Variants in TTN observed in about 807,000 individuals in gnomAD.
TTN encodes the protein titin.
In TTN, 1,525 loss-of-function variants were observed where a neutral mutation model predicts 3,223.0. That is an observed-to-expected ratio of 0.47 (90% CI 0.45 to 0.49). The LOEUF (loss-of-function observed/expected upper bound fraction) is 0.49, where lower values mean the gene tolerates loss of function less well. Ranked by LOEUF, TTN falls within the 20% of genes least tolerant of loss-of-function variation. TTN has a pLI of 0.00. For missense variants in TTN, 40,786 were observed against 43,424.0 expected (o/e 0.94, Z 5.40); for synonymous variants, 14,094 against 15,161.0 (o/e 0.93, Z 5.17).
At position 178,572,492 on chromosome 2, in the gene TTN, C is replaced by T. The variant is rs777119155; in HGVS notation, c.73640G>A (p.Gly24547Glu). 5.6e-6 allele frequency: 9 copies of T among 1,613,152 alleles called. No individual in the cohort carries two copies. The South Asian group carries it at 9.9e-5, about 18-fold the overall frequency. The change falls in exon 326 of 363, where the codon GGA (glycine) becomes GAA (glutamate). Residue 24547 changes from glycine (G) to glutamate (E), a missense_variant. Gly to Glu is a moderately conservative substitution (Grantham distance 98). Coordinates refer to ENST00000589042, the MANE Select transcript of TTN (RefSeq NM_001267550.2). ...TLTWDPPLLD[G>E]GSKIKNYIVE... ...AATATAGTTCTTGATTTTTGAACCT[C>T]CATCAAGGAGAGGTGGGTCCCATGT...
intron 13 of TTN, 42 bp downstream of exon 13, chr2:178,789,318 T>A: frequency 6.2e-7 from 1 of 1,610,656 alleles, no homozygotes; most frequent in East Asian, 2.2e-5. Context: ...GGTATTAATG[T>A]ATTATAATAG....
Position 178,776,961 on chromosome 2 carries a change from T to C in TTN, c.4903A>G (p.Lys1635Glu), listed in dbSNP as rs776274777. ...CATCTTGTAGTGTCTCTGCCAGCTT[T>C]ATTAATAGCAGTCGCAGTATACCAG... The part of the protein sequence containing the change: ...SAWYTATAIN[K>E]AGRDTTRCKV... The change falls in exon 28 of 363, where the codon AAA becomes GAA. Residue 1635 changes from lysine to glutamate, a missense_variant. Coordinates refer to ENST00000589042, the MANE Select transcript of TTN (RefSeq NM_001267550.2). 2 of 1,613,972 alleles carry C rather than the reference T, an allele frequency of 1.2e-6. No individual in the cohort carries two copies. Among genetic ancestry groups the C allele is most frequent in the Admixed American group, 3.3e-5 (2 of 59,992 alleles).
Position 178,635,221 on chromosome 2 carries a change from C to CTTT in TTN, c.41967_41968insAAA (p.Ser13989_Glu13990insLys). 1.2e-5 allele frequency: 20 copies of CTTT among 1,613,342 alleles called. No homozygotes were observed. The highest frequency in any genetic ancestry group is 1.6e-5 in the Non-Finnish European group (19 of 1,179,534). ...TTCCATTGTCCAGGAATGTCTGCCT[C>CTTT]TGAGATTTCTGCATCAAAGCTTGCA... On this transcript the variant is annotated inframe_insertion, in exon 228 of 363. Transcript: ENST00000589042.
rs754207859 is a variant in TTN at position 178,560,012 on chromosome 2, C to T, written c.86120G>A (p.Gly28707Glu). ...TAGTCCGCTTATTGTATATTCTGTC[C>T]CTCGTAAGCTCTGAATGGAAGTTTT... ...DWKTSIQSLR[G>E]TEYTISGLTT... is the part of the protein sequence containing the mutation. The change falls in exon 326 of 363, where the codon GGG (glycine) becomes GAG (glutamate). Residue 28707 changes from glycine (G) to glutamate (E), a missense_variant. Physicochemically the swap from Gly to Glu is moderately conservative, Grantham distance 98. Coordinates refer to ENST00000589042, the MANE Select transcript of TTN (RefSeq NM_001267550.2). The T allele has an allele frequency of 4.9e-5, 79 of 1,613,534 alleles. No individual in the cohort carries two copies. Among genetic ancestry groups the T allele is most frequent in the Non-Finnish European group, 6.6e-5 (78 of 1,179,800 alleles).
intron 47 of TTN, chr2:178,746,357 T>C (rs375951429): frequency 2.5e-5 from 41 of 1,612,226 alleles, no homozygotes; most frequent in Non-Finnish European, 3.2e-5. Flanking sequence ...TGGAAGAACA[T>C]CTAGACTCAC....
intron 3 of TTN, among the ~76,000 whole-genome samples, 193 bp downstream of exon 3, chr2:178,801,945 C>T (rs769647768): frequency 2.0e-5 from 3 of 152,144 alleles, no homozygotes; most frequent in Admixed American, 6.5e-5. Flanking sequence ...GTCACTTTTA[C>T]GATGTACTCT....
In TTN at chr2:178,646,176, G is replaced by A. The variant is rs369698692; in HGVS notation, c.40298-146C>T. On this transcript the variant is annotated intron_variant, in intron 216 of 362. Transcript: ENST00000589042. ...GTACAAAGTTTACTTTTTAAGGTACGTAATACCAGTATCCAACATAAAACA... is the reference window on the plus strand; with the variant it reads ...GTACAAAGTTTACTTTTTAAGGTACATAATACCAGTATCCAACATAAAACA... The A allele has an allele frequency of 7.5e-5, 13 of 173,160 alleles. No homozygotes were observed. In the East Asian group the frequency reaches 7.7e-4, roughly 10 times the overall value. 10.7% of individuals were successfully genotyped at this position (173,160 alleles called of 1,614,324 possible).
Position 178,650,689 on chromosome 2 carries a change from C to T in TTN, c.39709+62G>A, listed in dbSNP as rs911147362. On this transcript the variant is annotated intron_variant, in intron 209 of 362. Transcript: ENST00000589042. ...ATAATGAGTTAGGAAGGAAGAAGAA[C>T]AAAGCTTAAATTAGAAATAGTCGCA... The T allele has an allele frequency of 2.1e-6, 3 of 1,425,408 alleles. No individual in the cohort carries two copies. The African/African-American group carries it at 4.3e-5, about 21-fold the overall frequency. 88.3% of individuals were successfully genotyped at this position (1,425,408 alleles called of 1,614,324 possible). A position where few individuals can be genotyped will look rare whatever the true frequency, so the allele number is the denominator to read the frequency against.
intron 38 of TTN, 23 bp downstream of exon 38, chr2:178,768,650 A>G (rs1574539666): frequency 6.2e-7 from 1 of 1,613,792 alleles, no homozygotes; most frequent in Non-Finnish European, 8.5e-7. Flanking sequence ...TTTTCTATGG[A>G]TCTAATATGT....
chr2:178,670,439 C>G, intron 156 of TTN, 144 bp from the exon 157 acceptor site: 2 of 405,050 alleles, frequency 4.9e-6, no homozygotes, highest in Non-Finnish European at 8.7e-6. Flanking sequence ...TACAGTATTT[C>G]AAATGCATTG....
In TTN at chr2:178,552,495, A is replaced by G. The variant is rs371945826; in HGVS notation, c.90405T>C (p.Asp30135=). The change falls in exon 335 of 363, where the codon GAT becomes GAC. Residue 30135 remains aspartate, a synonymous_variant. Coordinates refer to ENST00000589042, the MANE Select transcript of TTN (RefSeq NM_001267550.2). ...LIITPEVDLS[D]IPGAQVTVRI... is the part of the protein sequence containing the mutation. ...TCACAGTGACTTGTGCCCCAGGGATATCTGACAGGTCAACTTCAGGTGTAA... is the reference window on the plus strand; with the variant it reads ...TCACAGTGACTTGTGCCCCAGGGATGTCTGACAGGTCAACTTCAGGTGTAA... 5.0e-6 allele frequency: 8 copies of G among 1,612,980 alleles called. No individual in the cohort carries two copies. In the African/African-American group the frequency reaches 1.1e-4, roughly 22 times the overall value.
chr2:178,751,640 C>T (rs2085537063), intron 47 of TTN: 2 of 1,613,270 alleles, frequency 1.2e-6, no homozygotes, highest in Non-Finnish European at 1.7e-6. Flanking sequence ...TTCTGCAGAC[C>T]CTTCACTATT....
chr2:178,559,111 C>T, intron 326 of TTN, 200 bp downstream of exon 326: 1 of 432,702 alleles, frequency 2.3e-6, no homozygotes, highest in East Asian at 3.9e-5. Context: ...CCAATTTTAG[C>T]TACGTAAATT....
Position 178,589,078 on chromosome 2 carries a change from C to T in TTN, c.62647G>A (p.Val20883Ile). 6.2e-7 allele frequency: 1 copy of T among 1,609,758 alleles called. No individual in the cohort carries two copies. Among genetic ancestry groups the T allele is most frequent in the Non-Finnish European group, 8.5e-7 (1 of 1,179,576 alleles). ...TCATCTTCTGGTGGATCCCAGCAAACAGTACACCTATCACTGGACACATCA... is the reference window on the plus strand; with the variant it reads ...TCATCTTCTGGTGGATCCCAGCAAATAGTACACCTATCACTGGACACATCA... ...IVDVSSDRCT[V>I]CWDPPEDDGG... The change falls in exon 304 of 363, where the codon GTT becomes ATT. Residue 20883 changes from valine to isoleucine, a missense_variant. Physicochemically the swap from Val to Ile is conservative, Grantham distance 29. Coordinates refer to ENST00000589042, the MANE Select transcript of TTN (RefSeq NM_001267550.2).
rs759435056 is a variant in TTN at position 178,651,565 on chromosome 2, C to T, written c.39464-29G>A. 2.5e-6 allele frequency: 4 copies of T among 1,611,222 alleles called. No individual in the cohort carries two copies. In the South Asian group the frequency reaches 4.4e-5, roughly 18 times the overall value. On this transcript the variant is annotated intron_variant, in intron 206 of 362. Transcript: ENST00000589042. ...TAAAAGATATTAGTAGTTGTTTAAG[C>T]TCATGGTTTCAATGAAATGTGAAAA...
chr2:178,807,038 G>A (rs1191320733), intron 1 of TTN, among the ~76,000 whole-genome samples, 174 bp downstream of exon 1: 1 of 152,132 alleles, frequency 6.6e-6, no homozygotes, highest in African/African-American at 2.4e-5. Flanking sequence ...AAGGAAAAAT[G>A]TTCAGACATT....
intron 41 of TTN, among the ~76,000 whole-genome samples, chr2:178,765,830 G>C (rs1394175831): frequency 6.6e-6 from 1 of 152,168 alleles, no homozygotes; most frequent in Non-Finnish European, 1.5e-5. Flanking sequence ...CTGCTCAGAG[G>C]CTCCTCAGGA....
intron 217 of TTN, chr2:178,645,579 A>C (rs2061809337): frequency 6.0e-6 from 1 of 165,442 alleles, no homozygotes; most frequent in South Asian, 2.0e-4. Context: ...TACATTCCTT[A>C]AGCATAAGAT....
In TTN at chr2:178,532,404, A is replaced by AGCCTTCGTTGGGATGTGATAG. The variant is rs1559011738; in HGVS notation, c.104190_104210dup (p.Tyr34731_Ala34737dup). 1 of 1,613,976 alleles carries AGCCTTCGTTGGGATGTGATAG rather than the reference A, an allele frequency of 6.2e-7. No individual in the cohort carries two copies. The highest frequency in any genetic ancestry group is 1.7e-5 in the Admixed American group (1 of 60,014). On this transcript the variant is annotated inframe_insertion, in exon 358 of 363. Coordinates refer to ENST00000589042, the MANE Select transcript of TTN (RefSeq NM_001267550.2). ...GTTCTGCATAACTTGTACTAGCTTC[A>AGCCTTCGTTGGGATGTGATAG]GCCTTCGTTGGGATGTGATAGGTTG...
Sources: gnomAD v4.1 joint callset for allele counts (sites outside exome capture counted in the v4.1 genomes callset) on GRCh38, gnomAD v4.1.1 for gene constraint, MANE v1.5 for transcripts, NCBI Gene and HGNC (gene_info 2026-07-23, HGNC 2026-07-21) for gene names.